The following SLC3A2 variants were observed in gnomAD, a reference collection of about 807,000 sequenced individuals.
SLC3A2 encodes amino acid transporter heavy chain SLC3A2.
In SLC3A2, 32 loss-of-function variants were observed where a neutral mutation model predicts 48.5. The observed-to-expected ratio is 0.66, with a 90% CI of 0.50 to 0.89. The LOEUF (loss-of-function observed/expected upper bound fraction) is 0.89, where lower values mean the gene tolerates loss of function less well. Ranked by LOEUF, SLC3A2 falls within the 40% of genes least tolerant of loss-of-function variation. SLC3A2 has a pLI of 0.00. For synonymous variants in SLC3A2, 277 were observed against 288.8 expected, an observed-to-expected ratio of 0.96 and a Z score of 0.41; for missense variants, 587 against 680.7, an observed-to-expected ratio of 0.86 and a Z score of 1.53.
At chr11:62,879,695 C>T (rs1346313848), upstream of SLC3A2, among the ~76,000 whole-genome samples, 2 of 152,244 alleles carry the variant, frequency 1.3e-5, no homozygotes, top group African/African-American at 4.8e-5. Context: ...TCTTGGCTTC[C>T]AGCCTAGGTG....
At chr11:62,886,697 C>T (rs1409049405) in intron 7 of SLC3A2, 1 of 152,106 alleles carries the variant, frequency 6.6e-6, no homozygotes, top group East Asian at 1.9e-4. Flanking sequence ...TCAAGTGATA[C>T]TCCTGCCTCA....
Position 62,884,503 on chromosome 11 carries a change from T to G in SLC3A2, c.737T>G (p.Val246Gly). The change falls in exon 4 of 9, where the codon GTT becomes GGT. Residue 246 changes from valine to glycine, a missense_variant. By Grantham distance (109) the Val-to-Gly change is moderately radical. Around this residue, in one of 3 missense-constraint regions of SLC3A2, gnomAD observed 409 missense variants for 446.7 expected, o/e 0.92. Coordinates refer to ENST00000338663, the MANE Select transcript of SLC3A2 (RefSeq NM_001013251.3). ...CAAGCTGGCGTGGATGGGTTCCAGGTTCGGGACATAGAGAATCTGAAGGTG... is the reference window on the plus strand; with the variant it reads ...CAAGCTGGCGTGGATGGGTTCCAGGGTCGGGACATAGAGAATCTGAAGGTG... ...WLQAGVDGFQ[V>G]RDIENLKDAS... The G allele has an allele frequency of 6.2e-7, 1 of 1,614,190 alleles. No individual in the cohort carries two copies. The highest frequency in any genetic ancestry group is 8.5e-7 in the Non-Finnish European group (1 of 1,180,032).
Position 62,856,349 on chromosome 11 carries a change from G to T in SLC3A2, c.80G>T (p.Gly27Val), listed in dbSNP as rs111884916. 21 of 1,612,862 alleles carry T rather than the reference G, an allele frequency of 1.3e-5. No homozygotes were observed. The highest frequency in any genetic ancestry group is 2.7e-5 in the African/African-American group (2 of 74,938). ...TTGCCTGGCTCACATTCGGAGGCTG[G>T]TGTCCAGGGTCTCAGCGCGGGGGAC... Residue 27 changes from glycine (G) to valine (V), a missense_variant, in exon 1 of 10, where the codon GGT (glycine) becomes GTT (valine). Transcript: ENST00000377889.
intron 1 of SLC3A2, chr11:62,871,753 CT>C: frequency 2.2e-6 from 1 of 453,636 alleles, no homozygotes. Context: ...TTAAAGATAT[CT>C]TTACTATTCT....
chr11:62,863,442 C>T (rs2085422311), intron 1 of SLC3A2, among the ~76,000 whole-genome samples: 1 of 152,062 alleles, frequency 6.6e-6, no homozygotes, highest in South Asian at 2.1e-4. Context: ...GGCGGGTCTC[C>T]AACTCCTGGG....
upstream of SLC3A2, among the ~76,000 whole-genome samples, chr11:62,876,444 T>C (rs2085571790): frequency 6.6e-6 from 1 of 152,136 alleles, no homozygotes; most frequent in Non-Finnish European, 1.5e-5. Flanking sequence ...AAAAATTATA[T>C]TCTTTGTGTT....
chr11:62,875,017 T>G (rs1441365830), intron 1 of SLC3A2, among the ~76,000 whole-genome samples: 1 of 152,134 alleles, frequency 6.6e-6, no homozygotes, highest in Non-Finnish European at 1.5e-5. Context: ...CCCGCCTCAT[T>G]CTTCCAAAAT....
chr11:62,885,427 G>T (rs749242570), intron 6 of SLC3A2, 38 bp from the exon 7 acceptor site: 19 of 1,613,920 alleles, frequency 1.2e-5, no homozygotes, highest in African/African-American at 1.3e-5. Context: ...AGAGGCAGAG[G>T]TGGGTTATGG....
intron 1 of SLC3A2, among the ~76,000 whole-genome samples, chr11:62,865,217 G>C (rs1489054314): frequency 6.6e-6 from 1 of 152,062 alleles, no homozygotes; most frequent in Non-Finnish European, 1.5e-5. Flanking sequence ...GCATCCTTTC[G>C]TAGGGATTTG....
At chr11:62,860,160 C>A (rs1047728934) in intron 1 of SLC3A2, among the ~76,000 whole-genome samples, 2 of 152,028 alleles carry the variant, frequency 1.3e-5, no homozygotes, top group Non-Finnish European at 2.9e-5. Flanking sequence ...TTGATGTGCA[C>A]GTAGGCCACA....
chr11:62,888,405 C>T lies in SLC3A2; in HGVS notation c.1302C>T (p.Ser434=). 6.2e-7 allele frequency: 1 copy of T among 1,614,222 alleles called. No individual in the cohort carries two copies. Among genetic ancestry groups the T allele is most frequent in the Non-Finnish European group, 8.5e-7 (1 of 1,180,036 alleles). The change falls in exon 9 of 9, where the codon TCC becomes TCT. Residue 434 remains serine, a synonymous_variant. Transcript: ENST00000338663. ...GTGACCAGCGGAGTAAGGAGCGCTC[C>T]CTACTGCATGGGGACTTCCACGCGT... The part of the protein sequence containing the change: ...RLSDQRSKER[S]LLHGDFHAFS...
At chr11:62,887,980 G>C in intron 7 of SLC3A2, 155 bp from the exon 8 acceptor site, 1 of 625,382 alleles carries the variant, frequency 1.6e-6, no homozygotes, top group South Asian at 2.0e-5. Flanking sequence ...TTTTGTAGTA[G>C]AGATGAGGGC....
chr11:62,876,471 A>T (rs2085572036), upstream of SLC3A2, among the ~76,000 whole-genome samples: 1 of 152,154 alleles, frequency 6.6e-6, no homozygotes, highest in South Asian at 2.1e-4. Flanking sequence ...GTAAATATTA[A>T]GCTTTATATC....
chr11:62,888,094 A>T (rs2085738279), intron 7 of SLC3A2, 41 bp from the exon 8 acceptor site: 2 of 1,564,120 alleles, frequency 1.3e-6, no homozygotes, highest in Admixed American at 1.7e-5. Context: ...ACCATGCCTG[A>T]CCCCAGGCCT....
upstream of SLC3A2, among the ~76,000 whole-genome samples, chr11:62,878,140 C>T (rs1251620101): frequency 6.7e-6 from 1 of 149,724 alleles, no homozygotes; most frequent in Non-Finnish European, 1.5e-5. Context: ...TGCTGGGTGA[C>T]AGTGTGAGAC....
At chr11:62,880,787 A>G, upstream of SLC3A2, 1 of 706,956 alleles carries the variant, frequency 1.4e-6, no homozygotes, top group Non-Finnish European at 2.2e-6. Context: ...TCCTGACTTT[A>G]CTACCCTGAG....
chr11:62,862,907 C>A (rs544116587), intron 1 of SLC3A2, among the ~76,000 whole-genome samples: 3 of 152,136 alleles, frequency 2.0e-5, no homozygotes, highest in Non-Finnish European at 4.4e-5. Flanking sequence ...CTGGCAGAGA[C>A]GTGACAGTGG....
chr11:62,882,823 C>T (rs963945873), intron 2 of SLC3A2, 85 bp from the exon 3 acceptor site: 2 of 1,126,326 alleles, frequency 1.8e-6, no homozygotes, highest in African/African-American at 3.1e-5. Context: ...ACATAGGAAA[C>T]ACTCAGTGAC....
intron 1 of SLC3A2, among the ~76,000 whole-genome samples, chr11:62,868,655 G>A (rs755697669): frequency 1.3e-5 from 2 of 151,828 alleles, no homozygotes; most frequent in African/African-American, 4.8e-5. Context: ...GTGAGCCACC[G>A]TGCCCGGCCA....
Sources: allele counts gnomAD v4.1 joint callset (sites outside exome capture counted in the v4.1 genomes callset), GRCh38; gene constraint gnomAD v4.1.1; regional missense constraint gnomAD v4.1.1; transcripts MANE v1.5; gene names NCBI Gene and HGNC (gene_info 2026-07-23, HGNC 2026-07-21).